Variants in PHLDA1 observed in about 807,000 individuals in gnomAD.
The protein encoded by PHLDA1 is pleckstrin homology-like domain family A member 1.
PHLDA1 carries 28 observed loss-of-function variants against 33.8 expected under a neutral mutation model. That is an observed-to-expected ratio of 0.83 (90% CI 0.61 to 1.14). The LOEUF is 1.14. PHLDA1 is among the 50% of genes most tolerant of loss of function. PHLDA1 has a pLI of 0.00. For missense variants in PHLDA1, 595 were observed against 548.6 expected (o/e 1.08, Z -0.84); for synonymous variants, 271 against 243.6 (o/e 1.11, Z -1.05).
In PHLDA1 at chr12:76,030,500, G is replaced by A. The variant is rs749369150; in HGVS notation, c.*26+10C>T. The A allele has an allele frequency of 2.5e-6, 4 of 1,600,912 alleles. No homozygotes were observed. Among genetic ancestry groups the A allele is most frequent in the Non-Finnish European group, 2.6e-6 (3 of 1,170,876 alleles). On this transcript the variant is annotated intron_variant, in intron 1 of 1. Transcript: ENST00000266671. ...CCCACTCCTCGGGAGCGCGAGTGCC[G>A]GGACCTTACCTTGTCTTGCCCGGGA...
chr12:76,030,590 C>G, exon 1 of PHLDA1: 2 of 1,611,604 alleles, frequency 1.2e-6, no homozygotes, highest in Non-Finnish European at 1.7e-6. Context: ...GCTGCGAGTG[C>G]GGCTGTGGGT....
exon 2 of PHLDA1, chr12:76,028,282 A>G (rs544025889): frequency 1.7e-4 from 26 of 152,362 alleles, no homozygotes; most frequent in African/African-American, 6.0e-4. Flanking sequence ...ATATATACAT[A>G]TGAAACAAGT....
exon 1 of PHLDA1, chr12:76,030,797 C>A (rs1870880839): frequency 6.7e-7 from 1 of 1,492,906 alleles, no homozygotes; most frequent in Non-Finnish European, 9.1e-7. Flanking sequence ...GCTGGAGCTG[C>A]GGCTGCGGCT....
At chr12:76,030,792 AGCTGCG>A (rs752412528) in exon 1 of PHLDA1, 109 of 1,486,274 alleles carry the variant, frequency 7.3e-5, no homozygotes, top group African/African-American at 4.1e-4. Flanking sequence ...TTGGGGCTGG[AGCTGCG>A]GCTGCGGCTG....
chr12:76,030,247 A>G (rs533435125), intron 1 of PHLDA1, among the ~76,000 whole-genome samples, 155 bp from the exon 2 acceptor site: 1 of 152,180 alleles, frequency 6.6e-6, no homozygotes, highest in South Asian at 2.1e-4. Flanking sequence ...TGGGGGACGC[A>G]CCACGGGACA....
rs772562738 is a variant in PHLDA1, at chr12:76,031,610, C to G, written c.132G>C (p.Glu44Asp). The change falls in exon 1 of 2, where the codon GAG (glutamate) becomes GAC (aspartate). Residue 44 changes from glutamate (E) to aspartate (D), a missense_variant. Physicochemically the swap from Glu to Asp is conservative, Grantham distance 45 (BLOSUM62 2). Transcript: ENST00000266671. This position sits in a 1 kb window ranked among gnomAD's most constrained non-coding sequence, Gnocchi z 5.4. The stretch of plus-strand genomic sequence containing the variant: ...CACTGAAGGGCACTGGCCGGGCCCC[C>G]TCGCGGCGCTTTTGAATGGGCCATC... 6.4e-7 allele frequency: 1 copy of G among 1,571,826 alleles called. No individual in the cohort carries two copies. Among genetic ancestry groups the G allele is most frequent in the African/African-American group, 1.4e-5 (1 of 71,290 alleles).
exon 2 of PHLDA1, chr12:76,026,523 G>A (rs552171614): frequency 3.3e-4 from 50 of 152,166 alleles, no homozygotes; most frequent in African/African-American, 1.1e-3. Flanking sequence ...GTTAAAACAG[G>A]ACTTTCAACT....
rs1424414899 is a variant in PHLDA1, at chr12:76,030,505, C to G, written c.*26+5G>C. On this transcript the variant is annotated splice_donor_5th_base_variant and intron_variant, in intron 1 of 1. Coordinates refer to ENST00000266671, the Ensembl canonical transcript of PHLDA1. The stretch of plus-strand genomic sequence containing the variant: ...TCCTCGGGAGCGCGAGTGCCGGGAC[C>G]TTACCTTGTCTTGCCCGGGAGCTGC... 1 of 1,606,922 alleles carries G rather than the reference C, an allele frequency of 6.2e-7. No homozygotes were observed.
exon 1 of PHLDA1, chr12:76,030,781 G>T (rs1349687066): frequency 1.4e-6 from 2 of 1,451,488 alleles, no homozygotes; most frequent in Non-Finnish European, 1.9e-6. Context: ...TGAGGCTGGG[G>T]TTGGGGCTGG....
At position 76,031,652 on chromosome 12, in the gene PHLDA1, G is replaced by T; in HGVS notation, c.90C>A (p.Val30=). 6.5e-7 allele frequency: 1 copy of T among 1,529,678 alleles called. No homozygotes were observed. The highest frequency in any genetic ancestry group is 2.6e-5 in the East Asian group (1 of 39,072). 94.8% of individuals were successfully genotyped at this position (1,529,678 alleles called of 1,614,324 possible). A position where few individuals can be genotyped will look rare whatever the true frequency, so the allele number is the denominator to read the frequency against. Residue 30 remains valine (V), a synonymous_variant, in exon 1 of 2, where the codon GTC becomes GTA. Coordinates refer to ENST00000266671, the Ensembl canonical transcript of PHLDA1. The surrounding 1 kb of genome is among the most constrained non-coding windows in gnomAD (Gnocchi z 5.4). ...TGGGCCATCTTCCCCACCCCCGAGT[G>T]ACACCCAGCGGAAAAGGCGGCTCCT... is the stretch of plus-strand genomic sequence containing the variant.
exon 1 of PHLDA1, chr12:76,030,570 T>A: frequency 6.2e-7 from 1 of 1,613,784 alleles, no homozygotes; most frequent in Non-Finnish European, 8.5e-7. Context: ...GAGAAGCCGG[T>A]GCCCGTGCGG....
exon 2 of PHLDA1, chr12:76,027,302 AATT>A (rs1183343313): frequency 1.3e-5 from 2 of 152,088 alleles, no homozygotes; most frequent in Non-Finnish European, 2.9e-5. Context: ...GCTCTGGAAA[AATT>A]ATTAATAATA....
In PHLDA1 at chr12:76,031,054, T is replaced by C; in HGVS notation, c.688A>G (p.Lys230Glu). ...TTCATGTTGGAGAAGTGCAGTTCCT[T>C]GAGCTTGACCGGCGGCTCGAGGCTG... is the stretch of plus-strand genomic sequence containing the variant. The change falls in exon 1 of 2, where the codon AAG becomes GAG. Residue 230 changes from lysine (K) to glutamate (E), a missense_variant. By Grantham distance (56) the Lys-to-Glu change is moderately conservative. Around this residue, in one of 3 missense-constraint regions of PHLDA1, gnomAD observed 328 missense variants for 295.7 expected, o/e 1.11. Transcript: ENST00000266671. The surrounding 1 kb of genome is among the most constrained non-coding windows in gnomAD (Gnocchi z 5.4). 6.2e-7 allele frequency: 1 copy of C among 1,611,078 alleles called. No individual in the cohort carries two copies. The highest frequency in any genetic ancestry group is 8.5e-7 in the Non-Finnish European group (1 of 1,179,876).
At chr12:76,030,399 T>G in intron 1 of PHLDA1, 111 bp downstream of exon 1, 105 of 781,180 alleles carry the variant, frequency 1.3e-4, no homozygotes, top group Non-Finnish European at 1.9e-4. Context: ...AAACTTGGTA[T>G]GAGTTTTGAT....
chr12:76,025,615 C>T (rs1301420835), exon 2 of PHLDA1: 3 of 152,178 alleles, frequency 2.0e-5, no homozygotes, highest in African/African-American at 7.2e-5. Flanking sequence ...CATGATGATA[C>T]TTGCTTTCCA....
At chr12:76,028,352 G>A (rs545897152) in exon 2 of PHLDA1, 1 of 152,284 alleles carries the variant, frequency 6.6e-6, no homozygotes, top group Non-Finnish European at 1.5e-5. Flanking sequence ...GGAAGTGGGG[G>A]TCCACTTAAG....
Position 76,031,579 on chromosome 12 carries a change from A to T in PHLDA1, c.163T>A (p.Ser55Thr). 6.3e-7 allele frequency: 1 copy of T among 1,575,616 alleles called. No individual in the cohort carries two copies. Among genetic ancestry groups the T allele is most frequent in the South Asian group, 1.2e-5 (1 of 86,022 alleles). Reference sequence around the variant, plus strand: ...GCCGGGCCTCTGCCGTCCTCTTGCGAGCGCTCACTGAAGGGCACTGGCCGG... The same window carrying T: ...GCCGGGCCTCTGCCGTCCTCTTGCGTGCGCTCACTGAAGGGCACTGGCCGG... Residue 55 changes from serine to threonine, a missense_variant, in exon 1 of 2, where the codon TCG becomes ACG. Physicochemically the swap from Ser to Thr is moderately conservative, Grantham distance 58. Coordinates refer to ENST00000266671, the Ensembl canonical transcript of PHLDA1. The surrounding 1 kb of genome is among the most constrained non-coding windows in gnomAD (Gnocchi z 5.4).
exon 2 of PHLDA1, chr12:76,029,692 C>T (rs749307212): frequency 2.0e-5 from 3 of 152,378 alleles, no homozygotes; most frequent in Non-Finnish European, 2.9e-5. Flanking sequence ...TTTTATTCTC[C>T]AAGATTAGGA....
exon 1 of PHLDA1, chr12:76,030,792 AGCTGCGGCTGCG>A (rs752412528): frequency 2.2e-5 from 33 of 1,486,172 alleles, no homozygotes; most frequent in African/African-American, 5.6e-5. Context: ...TTGGGGCTGG[AGCTGCGGCTGCG>A]GCTGCGGCTG....
Sources: gnomAD v4.1 joint callset for allele counts (sites outside exome capture counted in the v4.1 genomes callset) on GRCh38, gnomAD v4.1.1 for gene constraint, gnomAD v4.1.1 regional missense constraint, Gnocchi (gnomAD v3.1) non-coding constraint, MANE v1.5 for transcripts, NCBI Gene and HGNC (gene_info 2026-07-23, HGNC 2026-07-21) for gene names.